The following NDST4 variants were observed in gnomAD, a reference collection of about 807,000 sequenced individuals.
NDST4 encodes N-heparan sulfate sulfotransferase 4.
In NDST4, 63 loss-of-function variants were observed where a neutral mutation model predicts 100.8. That is an observed-to-expected ratio of 0.62 (90% CI 0.51 to 0.77). The LOEUF (loss-of-function observed/expected upper bound fraction) is 0.77, where lower values mean the gene tolerates loss of function less well. NDST4 is among the 30% of genes least tolerant of loss of function. The pLI is 0.00. For synonymous variants in NDST4, 377 were observed against 361.8 expected (o/e 1.04, Z -0.48); for missense variants, 943 against 1,018.4 (o/e 0.93, Z 1.01).
At chr4:115,044,680 A>C (rs535284199) in intron 2 of NDST4, among the ~76,000 whole-genome samples, 4 of 150,254 alleles carry the variant, frequency 2.7e-5, no homozygotes, top group Non-Finnish European at 4.4e-5. Context: ...AGACACCATG[A>C]GTAAAAGTCA....
intron 4 of NDST4, among the ~76,000 whole-genome samples, chr4:114,950,222 T>G (rs1725960431): frequency 1.3e-5 from 2 of 151,990 alleles, no homozygotes; most frequent in Admixed American, 6.6e-5. Flanking sequence ...ACACAAAGCT[T>G]CCTCTGGAGC....
At chr4:115,077,668 C>T (rs144581353) in intron 1 of NDST4, among the ~76,000 whole-genome samples, 1 of 152,292 alleles carries the variant, frequency 6.6e-6, no homozygotes, top group East Asian at 1.9e-4. Flanking sequence ...ATTAGGAAAT[C>T]AGGAATCAGG....
intron 1 of NDST4, among the ~76,000 whole-genome samples, chr4:115,085,643 A>G (rs1419259088): frequency 2.0e-5 from 3 of 152,092 alleles, no homozygotes; most frequent in African/African-American, 7.2e-5. Context: ...TTTGCTCAGC[A>G]CTCATTCTCT....
intron 2 of NDST4, among the ~76,000 whole-genome samples, chr4:115,056,707 C>T (rs1311418737): frequency 1.3e-5 from 2 of 151,984 alleles, no homozygotes; most frequent in African/African-American, 2.4e-5. Context: ...TGGTCATGCT[C>T]AGAAAAAAAT....
At chr4:114,921,538 T>G (rs1725285249) in intron 6 of NDST4, among the ~76,000 whole-genome samples, 1 of 152,174 alleles carries the variant, frequency 6.6e-6, no homozygotes, top group Non-Finnish European at 1.5e-5. Context: ...TAAATAACAA[T>G]TGCAACCAAA....
intron 6 of NDST4, among the ~76,000 whole-genome samples, chr4:114,879,563 C>T (rs980907587): frequency 6.6e-6 from 1 of 152,110 alleles, no homozygotes; most frequent in Non-Finnish European, 1.5e-5. Context: ...CTGGCTATTC[C>T]CTCAGTCTCA....
chr4:114,913,051 T>C (rs899000823), intron 6 of NDST4, among the ~76,000 whole-genome samples: 2 of 152,042 alleles, frequency 1.3e-5, no homozygotes, highest in African/African-American at 4.8e-5. Flanking sequence ...TGTTTTTCAA[T>C]GAGCATTGAT....
chr4:114,859,030 C>T (rs370407653), intron 7 of NDST4, among the ~76,000 whole-genome samples: 1 of 152,158 alleles, frequency 6.6e-6, no homozygotes, highest in East Asian at 1.9e-4. Flanking sequence ...CACTAAGTTG[C>T]TTGTTGGTAC....
intron 2 of NDST4, among the ~76,000 whole-genome samples, chr4:115,072,766 G>A (rs1233472089): frequency 6.6e-6 from 1 of 151,938 alleles, no homozygotes; most frequent in Non-Finnish European, 1.5e-5. Context: ...CTTCTATGAT[G>A]TTGGTCTGGG....
chr4:114,914,116 G>A (rs1393072017), intron 6 of NDST4, among the ~76,000 whole-genome samples: 4 of 151,952 alleles, frequency 2.6e-5, no homozygotes, highest in Non-Finnish European at 4.4e-5. Flanking sequence ...ACTTACTTGT[G>A]GGGCCTAAAA....
At chr4:114,929,666 T>C (rs2126222909) in intron 6 of NDST4, among the ~76,000 whole-genome samples, 1 of 152,302 alleles carries the variant, frequency 6.6e-6, no homozygotes. Context: ...CTTTTTAAAG[T>C]GAGATTTATA....
chr4:114,875,490 G>A (rs1034436500), intron 6 of NDST4, among the ~76,000 whole-genome samples: 1 of 152,092 alleles, frequency 6.6e-6, no homozygotes, highest in Non-Finnish European at 1.5e-5. Context: ...GAAAAAGGAA[G>A]GTTTATGTAT....
intron 7 of NDST4, among the ~76,000 whole-genome samples, chr4:114,855,657 T>C (rs1053130146): frequency 1.3e-5 from 2 of 152,206 alleles, no homozygotes; most frequent in African/African-American, 4.8e-5. Flanking sequence ...GCCAATACCA[T>C]GCATTTTGGT....
chr4:114,980,657 G>T (rs572164510), intron 2 of NDST4, among the ~76,000 whole-genome samples: 23 of 151,624 alleles, frequency 1.5e-4, no homozygotes, highest in South Asian at 4.2e-4. Context: ...AATAAATAAA[G>T]AAATAAATAA....
At chr4:114,966,304 A>G (rs1726381390) in intron 4 of NDST4, among the ~76,000 whole-genome samples, 1 of 152,002 alleles carries the variant, frequency 6.6e-6, no homozygotes, top group Non-Finnish European at 1.5e-5. Flanking sequence ...GTGTGTGTGT[A>G]TGGATGAAGC....
At chr4:114,960,371 G>A (rs1199859839) in intron 4 of NDST4, among the ~76,000 whole-genome samples, 1 of 152,060 alleles carries the variant, frequency 6.6e-6, no homozygotes, top group East Asian at 1.9e-4. Context: ...ACTTTGGGAG[G>A]CCAACGCGGG....
At chr4:114,971,795 T>C (rs577346027) in intron 3 of NDST4, among the ~76,000 whole-genome samples, 6 of 152,226 alleles carry the variant, frequency 3.9e-5, no homozygotes, top group African/African-American at 1.4e-4. Flanking sequence ...AGTAGCTCCA[T>C]GAAAGGATTA....
chr4:115,002,185 A>G (rs1017500987), intron 2 of NDST4, among the ~76,000 whole-genome samples: 18 of 152,186 alleles, frequency 1.2e-4, no homozygotes, highest in African/African-American at 4.1e-4. Flanking sequence ...CATTTTAATA[A>G]TTGTCAGTCT....
intron 2 of NDST4, among the ~76,000 whole-genome samples, chr4:115,049,373 G>T (rs1728533814): frequency 6.6e-6 from 1 of 151,996 alleles, no homozygotes; most frequent in Admixed American, 6.6e-5. Flanking sequence ...GCAAATTGAG[G>T]ATTCTGTCAT....
Sources: gnomAD v4.1 joint callset for allele counts (sites outside exome capture counted in the v4.1 genomes callset) on GRCh38, gnomAD v4.1.1 for gene constraint, MANE v1.5 for transcripts, NCBI Gene and HGNC (gene_info 2026-07-23, HGNC 2026-07-21) for gene names.